SRPX: variants seen among roughly 807,000 people sequenced by gnomAD.
SRPX encodes sushi repeat containing protein X-linked, also known as sushi repeat-containing protein SRPX.
In SRPX, 24 loss-of-function variants were observed where a neutral mutation model predicts 38.1. That is an observed-to-expected ratio of 0.63 (90% confidence interval 0.46 to 0.89). The LOEUF (loss-of-function observed/expected upper bound fraction) is 0.89. SRPX is among the 40% of genes least tolerant of loss of function. The pLI, the probability that SRPX is intolerant of heterozygous loss-of-function variation, is 0.00. For synonymous variants in SRPX, 184 were observed against 153.8 expected, an observed-to-expected ratio of 1.20 and a Z score of -1.45; for missense variants, 416 against 377.8, an observed-to-expected ratio of 1.10 and a Z score of -0.84.
intron 1 of SRPX, among the ~76,000 whole-genome samples, chrX:38,191,348 A>G (rs1052799415): frequency 1.8e-5 from 2 of 112,264 alleles, no homozygotes; most frequent in Admixed American, 1.9e-4. Context: ...TCAAAACAAT[A>G]CTATAGCTCA....
chrX:38,215,001 G>A (rs1472986657), intron 1 of SRPX, among the ~76,000 whole-genome samples: 1 of 111,924 alleles, frequency 8.9e-6, no homozygotes, highest in Admixed American at 9.5e-5. Flanking sequence ...AACAGCTAGT[G>A]ATAGCAGGGG....
intron 2 of SRPX, among the ~76,000 whole-genome samples, chrX:38,174,667 C>T (rs1938538236): frequency 8.9e-6 from 1 of 112,073 alleles, no homozygotes; most frequent in South Asian, 3.8e-4. Context: ...GCATATCAAG[C>T]ATCTAGCACA....
chrX:38,167,697 T>C (rs947985010), intron 4 of SRPX, among the ~76,000 whole-genome samples: 2 of 112,293 alleles, frequency 1.8e-5, no homozygotes, highest in Non-Finnish European at 3.8e-5. Flanking sequence ...GCTCTAGTTA[T>C]CTCTGTGCAT....
chrX:38,193,457 G>A (rs1221796578), intron 1 of SRPX, among the ~76,000 whole-genome samples: 1 of 111,903 alleles, frequency 8.9e-6, no homozygotes, highest in East Asian at 2.8e-4. Flanking sequence ...GAGCATGAAT[G>A]CCAATGCTTC....
intron 9 of SRPX, among the ~76,000 whole-genome samples, chrX:38,150,482 C>A (rs890729207): frequency 8.9e-6 from 1 of 111,954 alleles, no homozygotes; most frequent in Admixed American, 9.5e-5. Flanking sequence ...GAAGATGTGA[C>A]CGGCATTTAG....
intron 1 of SRPX, among the ~76,000 whole-genome samples, chrX:38,190,245 G>T (rs1310380360): frequency 8.9e-6 from 1 of 112,090 alleles, no homozygotes; most frequent in Non-Finnish European, 1.9e-5. Flanking sequence ...ACATTAAATG[G>T]CAGAGAGAGA....
intron 1 of SRPX, among the ~76,000 whole-genome samples, chrX:38,210,138 A>G (rs5918501): frequency 0.31 from 34,096 of 111,371 alleles, 4,297 homozygotes; most frequent in Non-Finnish European, 0.4. Context: ...CATTTGGAGG[A>G]TCTGCTAAAA....
chrX:38,210,514 A>G (rs992176662), intron 1 of SRPX, among the ~76,000 whole-genome samples: 3 of 112,209 alleles, frequency 2.7e-5, no homozygotes, highest in Non-Finnish European at 3.8e-5. Flanking sequence ...GGGCCATACT[A>G]CATACCAAGA....
intron 1 of SRPX, among the ~76,000 whole-genome samples, chrX:38,212,000 C>A (rs1939334409): frequency 8.9e-6 from 1 of 112,054 alleles, no homozygotes; most frequent in African/African-American, 3.2e-5. Flanking sequence ...CTGATCAGTT[C>A]CAGGAATTCT....
At chrX:38,200,812 CA>C (rs1939097199) in intron 1 of SRPX, among the ~76,000 whole-genome samples, 1 of 112,082 alleles carries the variant, frequency 8.9e-6, no homozygotes, top group Non-Finnish European at 1.9e-5. Flanking sequence ...TAAATCTCAA[CA>C]TGACTTTTGG....
At chrX:38,151,174 T>A (rs771405202) in intron 9 of SRPX, among the ~76,000 whole-genome samples, 35 of 112,084 alleles carry the variant, frequency 3.1e-4, no homozygotes, top group South Asian at 1.1e-3. Context: ...TCACTCCCAG[T>A]GACTAGAAAT....
intron 6 of SRPX, 143 bp from the exon 7 acceptor site, chrX:38,160,339 T>G: frequency 3.5e-6 from 2 of 575,767 alleles, no homozygotes; most frequent in Non-Finnish European, 5.5e-6. Context: ...GAGGGATGAC[T>G]ATTTGGTCAG....
chrX:38,157,568 T>A (rs941017772), intron 7 of SRPX, among the ~76,000 whole-genome samples: 3 of 111,883 alleles, frequency 2.7e-5, no homozygotes, highest in Non-Finnish European at 3.8e-5. Context: ...TGTGATTACA[T>A]TGGGCCCACT....
In SRPX at chrX:38,157,032, G is replaced by A. The variant is rs1938147275; in HGVS notation, c.956-3C>T. 1.7e-6 allele frequency: 2 copies of A among 1,210,252 alleles called. No homozygotes were observed. Among genetic ancestry groups the A allele is most frequent in the Non-Finnish European group, 2.2e-6 (2 of 894,825 alleles). ...GACACCCACATTGACGTTCATGGCTGTAATCAGAAATGGCCACATGGGTCA... is the reference window on the plus strand; with the variant it reads ...GACACCCACATTGACGTTCATGGCTATAATCAGAAATGGCCACATGGGTCA... On this transcript the variant is annotated splice_polypyrimidine_tract_variant and splice_region_variant and intron_variant, in intron 7 of 9. Coordinates refer to ENST00000378533, the MANE Select transcript of SRPX (RefSeq NM_006307.5).
At position 38,149,363 on chromosome X, in the gene SRPX, T is replaced by C. The variant is rs1456737480; in HGVS notation, c.*348A>G. 7.5e-6 allele frequency: 1 copy of C among 133,865 alleles called. No individual in the cohort carries two copies. The highest frequency in any genetic ancestry group is 1.5e-5 in the Non-Finnish European group (1 of 68,056). 11.0% of individuals were successfully genotyped at this position (133,865 alleles called of 1,213,427 possible). ...ATTTGCTCCAAAACATTTTGTTTTA[T>C]TAATAAAAGTCTTACTTAAAAAACA... On this transcript the variant is annotated 3_prime_UTR_variant, in exon 10 of 10. Transcript: ENST00000378533.
intron 1 of SRPX, among the ~76,000 whole-genome samples, chrX:38,209,543 A>G (rs1254363559): frequency 8.9e-6 from 1 of 112,099 alleles, no homozygotes; most frequent in African/African-American, 3.2e-5. Flanking sequence ...GCTGAGAGCC[A>G]TAGCTTCCCT....
chrX:38,192,762 G>A (rs1184351221), intron 1 of SRPX, among the ~76,000 whole-genome samples: 2 of 112,198 alleles, frequency 1.8e-5, no homozygotes, highest in Non-Finnish European at 3.8e-5. Flanking sequence ...CCTTCCCCTA[G>A]GACCAAGGCA....
intron 2 of SRPX, among the ~76,000 whole-genome samples, chrX:38,178,035 G>C (rs965047090): frequency 6.2e-5 from 7 of 112,039 alleles, no homozygotes; most frequent in Non-Finnish European, 1.3e-4. Context: ...AGTGAGGACA[G>C]TAAAGAAACT....
At chrX:38,178,749 T>C (rs745855092) in intron 1 of SRPX, among the ~76,000 whole-genome samples, 11 of 111,283 alleles carry the variant, frequency 9.9e-5, no homozygotes, top group Admixed American at 2.9e-4. Context: ...GAACTGGGTG[T>C]TTATGGTACC....
Sources: allele counts gnomAD v4.1 joint callset (sites outside exome capture counted in the v4.1 genomes callset), GRCh38; gene constraint gnomAD v4.1.1; transcripts MANE v1.5; gene names NCBI Gene and HGNC (gene_info 2026-07-23, HGNC 2026-07-21).